LINGO2: variants seen among roughly 807,000 people sequenced by gnomAD.
LINGO2 encodes the protein leucine rich repeat and Ig domain containing 2, also known as leucine-rich repeat and immunoglobulin-like domain-containing nogo receptor-interacting protein 2.
In LINGO2, 14 loss-of-function variants were observed where a neutral mutation model predicts 30.6. That is an observed-to-expected ratio of 0.46 (90% CI 0.30 to 0.72). The LOEUF is 0.72. LINGO2 is among the 30% of genes least tolerant of loss of function. The probability of loss-of-function intolerance (pLI) is 0.07; values close to 1 mark genes in which losing one functional copy is unlikely to be tolerated. For missense variants in LINGO2, 729 were observed against 751.7 expected (o/e 0.97, Z 0.35); for synonymous variants, 317 against 288.5 (o/e 1.10, Z -1.00).
chr9:28,659,439 CT>C (rs1265871778), intron 1 of LINGO2, among the ~76,000 whole-genome samples: 5 of 151,538 alleles, frequency 3.3e-5, no homozygotes, highest in Admixed American at 6.6e-5. Flanking sequence ...GACTTATATA[CT>C]TTTTTTTCCT....
At chr9:28,103,955 T>C (rs1407117316) in intron 4 of LINGO2, among the ~76,000 whole-genome samples, 2 of 152,170 alleles carry the variant, frequency 1.3e-5, no homozygotes, top group African/African-American at 2.4e-5. Flanking sequence ...GTAACTTAAA[T>C]TACTTTTCCT....
the LINGO2 span, among the ~76,000 whole-genome samples, chr9:29,079,787 GA>G: frequency 0.2 from 29,676 of 151,756 alleles, 3,111 homozygotes; most frequent in East Asian, 0.34. Context: ...CAGTAAATAA[GA>G]AAAAAGTTCA....
At chr9:28,310,023 G>A (rs1824548457) in intron 3 of LINGO2, among the ~76,000 whole-genome samples, 1 of 152,076 alleles carries the variant, frequency 6.6e-6, no homozygotes, top group African/African-American at 2.4e-5. Flanking sequence ...GCAAGGGTGT[G>A]GAGGAAGCTA....
At chr9:28,811,431 G>A in the LINGO2 span, among the ~76,000 whole-genome samples, 1 of 152,084 alleles carries the variant, frequency 6.6e-6, no homozygotes, top group Non-Finnish European at 1.5e-5. Flanking sequence ...ATGAAACCTT[G>A]TAGTGGCCTT....
At chr9:28,153,082 A>G (rs1028224855) in intron 4 of LINGO2, among the ~76,000 whole-genome samples, 1 of 152,186 alleles carries the variant, frequency 6.6e-6, no homozygotes, top group Non-Finnish European at 1.5e-5. Flanking sequence ...TTCACTATTC[A>G]TCTATCAGAG....
the LINGO2 span, among the ~76,000 whole-genome samples, chr9:28,722,411 T>C: frequency 6.6e-6 from 1 of 152,154 alleles, no homozygotes; most frequent in Non-Finnish European, 1.5e-5. Context: ...GTTCATTTTA[T>C]ACTGTTTCCT....
chr9:28,174,921 T>A (rs113062598), intron 4 of LINGO2, among the ~76,000 whole-genome samples: 14,712 of 133,142 alleles, frequency 0.11, 812 homozygotes, highest in East Asian at 0.17. Flanking sequence ...TGTGTGTGTG[T>A]GAGAGAGAGA....
At chr9:28,739,703 A>G in the LINGO2 span, among the ~76,000 whole-genome samples, 1 of 151,690 alleles carries the variant, frequency 6.6e-6, no homozygotes, top group Non-Finnish European at 1.5e-5. Flanking sequence ...AAATCAATTA[A>G]CCCATAAATA....
chr9:28,879,881 A>T, the LINGO2 span, among the ~76,000 whole-genome samples: 1 of 152,198 alleles, frequency 6.6e-6, no homozygotes, highest in East Asian at 1.9e-4. Context: ...AGAGCTAGAC[A>T]GGGAATCAGA....
the LINGO2 span, among the ~76,000 whole-genome samples, chr9:29,146,762 G>T: frequency 1.3e-5 from 2 of 152,148 alleles, no homozygotes; most frequent in African/African-American, 4.8e-5. Flanking sequence ...GACTGTCAAA[G>T]TGGAGTAACT....
At chr9:28,367,266 A>T (rs1820715310) in intron 3 of LINGO2, among the ~76,000 whole-genome samples, 1 of 152,176 alleles carries the variant, frequency 6.6e-6, no homozygotes, top group South Asian at 2.1e-4. Flanking sequence ...CTCCCAAATC[A>T]TCCTGCAGAA....
the LINGO2 span, among the ~76,000 whole-genome samples, chr9:29,210,904 G>A: frequency 6.6e-6 from 1 of 152,010 alleles, no homozygotes. Context: ...TGGGAGTAAC[G>A]CATGCTACTG....
the LINGO2 span, among the ~76,000 whole-genome samples, chr9:29,121,524 C>A: frequency 6.6e-6 from 1 of 151,698 alleles, no homozygotes; most frequent in African/African-American, 2.4e-5. Context: ...AAATTTGCCC[C>A]CAATTAAATA....
chr9:28,007,649 T>A (rs914614021), intron 5 of LINGO2, among the ~76,000 whole-genome samples: 2 of 152,162 alleles, frequency 1.3e-5, no homozygotes, highest in Non-Finnish European at 2.9e-5. Flanking sequence ...TGGGATTCTA[T>A]CAGTTTTACA....
the LINGO2 span, among the ~76,000 whole-genome samples, chr9:29,109,634 T>C: frequency 6.6e-6 from 1 of 152,222 alleles, no homozygotes; most frequent in African/African-American, 2.4e-5. Context: ...GTATTAAAAG[T>C]GGATATGGCA....
the LINGO2 span, among the ~76,000 whole-genome samples, chr9:29,123,806 C>T: frequency 6.6e-6 from 1 of 151,990 alleles, no homozygotes; most frequent in South Asian, 2.1e-4. Context: ...TAACCATTTT[C>T]CCTAGAATTA....
At chr9:28,272,373 C>T (rs1256306710) in intron 4 of LINGO2, among the ~76,000 whole-genome samples, 1 of 151,794 alleles carries the variant, frequency 6.6e-6, no homozygotes, top group Non-Finnish European at 1.5e-5. Context: ...TTCTCTTGTT[C>T]CTTCTTCTCC....
intron 4 of LINGO2, among the ~76,000 whole-genome samples, chr9:28,121,166 TA>T (rs1827084571): frequency 6.6e-6 from 1 of 152,012 alleles, no homozygotes; most frequent in Admixed American, 6.6e-5. Flanking sequence ...GAAATAAGAA[TA>T]AAGGGGAAAT....
At chr9:28,548,249 T>C (rs1320372550) in intron 1 of LINGO2, among the ~76,000 whole-genome samples, 3 of 152,128 alleles carry the variant, frequency 2.0e-5, no homozygotes, top group African/African-American at 7.2e-5. Context: ...GACTGTTACG[T>C]AGGATAAATG....
Sources: allele counts gnomAD v4.1 joint callset (sites outside exome capture counted in the v4.1 genomes callset), GRCh38; gene constraint gnomAD v4.1.1; transcripts MANE v1.5; gene names NCBI Gene and HGNC (gene_info 2026-07-23, HGNC 2026-07-21).